Variants in SERTM2 observed in about 807,000 individuals in gnomAD.
The protein encoded by SERTM2 is serine-rich and transmembrane domain-containing protein 2.
chrX:111,515,454 T>G (rs910278718), intron 2 of SERTM2, among the ~76,000 whole-genome samples: 8 of 111,211 alleles, frequency 7.2e-5, no homozygotes, highest in African/African-American at 2.6e-4. Flanking sequence ...TCTGAATACA[T>G]AGTGAAGCAA....
rs1239029254 is a variant in SERTM2 at position 111,512,095 on chromosome X, G to A, written c.-784+1G>A. 1.4e-5 allele frequency: 4 copies of A among 293,872 alleles called. No individual in the cohort carries two copies. The highest frequency in any genetic ancestry group is 2.8e-5 in the African/African-American group (1 of 36,300). 24.2% of individuals were successfully genotyped at this position (293,872 alleles called of 1,213,427 possible). A position where few individuals can be genotyped will look rare whatever the true frequency, so the allele number is the denominator to read the frequency against. ...CTATTCATACTGTGGGCCAGGAGAG[G>A]TAAGAAATATTTGGAAATATTACGA... On this transcript the variant is annotated splice_donor_variant, in intron 2 of 2. Transcript: ENST00000569275. LOFTEE classifies it low-confidence loss of function (5UTR_SPLICE).
chrX:111,511,737 A>G lies in SERTM2; in HGVS notation c.-978A>G, dbSNP rs1022475972. On this transcript the variant is annotated 5_prime_UTR_variant, in exon 1 of 3. Transcript: ENST00000569275. ...ACTTAGACTAATTCAGGCTGCTTTC[A>G]TTCAAATGTTCCAGAGGGCACACAC... 5.1e-6 allele frequency: 1 copy of G among 196,997 alleles called. No homozygotes were observed. The highest frequency in any genetic ancestry group is 2.9e-5 in the African/African-American group (1 of 33,903). The allele number at this position is 196,997 out of a possible 1,213,427, so 16.2% of individuals were successfully genotyped here. A position where few individuals can be genotyped will look rare whatever the true frequency, so the allele number is the denominator to read the frequency against.
chrX:111,515,756 T>C lies in SERTM2; in HGVS notation c.-783-2319T>C, dbSNP rs369281253. On this transcript the variant is annotated intron_variant, in intron 2 of 2. Coordinates refer to ENST00000569275, the MANE Select transcript of SERTM2 (RefSeq NM_001354473.2). ...CAAGTGGGTAACTTGTTTCAAACAT[T>C]GATTCCAGGATACTGTCCCCAGAGA... is the stretch of plus-strand genomic sequence containing the variant. 2.7e-5 allele frequency among the ~76,000 whole-genome samples: 3 copies of C among 110,840 alleles called. No individual in the cohort carries two copies. In the East Asian group the frequency reaches 8.6e-4, roughly 32 times the overall value.
At chrX:111,516,928 G>T (rs1930323279) in intron 2 of SERTM2, among the ~76,000 whole-genome samples, 1 of 111,504 alleles carries the variant, frequency 9.0e-6, no homozygotes, top group Non-Finnish European at 1.9e-5. Context: ...AGTGTGACAG[G>T]TGATGGTTGT....
At position 111,517,673 on chromosome X, in the gene SERTM2, A is replaced by ATT. The variant is rs11378226; in HGVS notation, c.-783-392_-783-391dup. Reference sequence around the variant, plus strand: ...ACATGAACTTTGAATATGGGTGGCTATTTTTTTTTTTAATAGCAGTGCTTG... The same window carrying ATT: ...ACATGAACTTTGAATATGGGTGGCTATTTTTTTTTTTTTAATAGCAGTGCTTG... On this transcript the variant is annotated intron_variant, in intron 2 of 2. Transcript: ENST00000569275. Among the ~76,000 whole-genome samples the ATT allele has an allele frequency of 2.2e-3, 233 of 104,060 alleles. 1 individual carries two copies. The highest frequency in any genetic ancestry group is 7.9e-3 in the African/African-American group (224 of 28,500). 90.4% of individuals were successfully genotyped at this position (104,060 alleles called of 115,157 possible).
Position 111,511,796 on chromosome X carries a change from C to G in SERTM2, c.-919C>G, listed in dbSNP as rs992608513. On this transcript the variant is annotated 5_prime_UTR_variant, in exon 1 of 3. Transcript: ENST00000569275. ...ACAGACTTCTCTTTGCTTTTCAGAG[C>G]TTATAAGGAGCAGGCATCTGAAGCT... The G allele has an allele frequency of 7.8e-6, 2 of 255,075 alleles. No homozygotes were observed. The highest frequency in any genetic ancestry group is 5.6e-5 in the African/African-American group (2 of 35,438). The allele number at this position is 255,075 out of a possible 1,213,427, so 21.0% of individuals were successfully genotyped here.
At position 111,518,535 on chromosome X, in the gene SERTM2, T is replaced by C. The variant is rs1256050526; in HGVS notation, c.-323T>C. 1 of 210,696 alleles carries C rather than the reference T, an allele frequency of 4.7e-6. No homozygotes were observed. The highest frequency in any genetic ancestry group is 8.5e-6 in the Non-Finnish European group (1 of 117,027). 17.4% of individuals were successfully genotyped at this position (210,696 alleles called of 1,213,427 possible). On this transcript the variant is annotated 5_prime_UTR_variant, in exon 3 of 3. Transcript: ENST00000569275. ...CTAATAACAGTATTATAAAGCAGTT[T>C]CACCCATATTTATTTTAATCAGTAT... is the stretch of plus-strand genomic sequence containing the variant.
chrX:111,512,267 G>A (rs1280863694), intron 2 of SERTM2, among the ~76,000 whole-genome samples, 173 bp downstream of exon 2: 1 of 112,013 alleles, frequency 8.9e-6, no homozygotes, highest in African/African-American at 3.2e-5. Flanking sequence ...ATTTGCTGCT[G>A]GAATCGTTTT....
rs1051714286 is a variant in SERTM2 at position 111,520,216 on chromosome X, C to T, written c.*1086C>T. On this transcript the variant is annotated 3_prime_UTR_variant, in exon 3 of 3. Transcript: ENST00000569275. ...AAAGATGAAGTGTTTCACTTATTAC[C>T]TATAAGAGAATTATATTTTGAAAAA... is the stretch of plus-strand genomic sequence containing the variant. 3.6e-5 allele frequency: 4 copies of T among 111,785 alleles called. No homozygotes were observed. The highest frequency in any genetic ancestry group is 1.3e-4 in the African/African-American group (4 of 30,783). The allele number at this position is 111,785 out of a possible 1,213,427, so 9.2% of individuals were successfully genotyped here.
Position 111,521,994 on chromosome X carries a change from G to A in SERTM2, c.*2864G>A, listed in dbSNP as rs1242868711. ...ATGAAGTATATTGTAAAAGGCTTAT[G>A]TATTATGTATTATGTATTAAGTAGG... On this transcript the variant is annotated 3_prime_UTR_variant, in exon 3 of 3. Coordinates refer to ENST00000569275, the MANE Select transcript of SERTM2 (RefSeq NM_001354473.2). The A allele has an allele frequency of 9.0e-6, 1 of 111,423 alleles. No homozygotes were observed. Among genetic ancestry groups the A allele is most frequent in the Non-Finnish European group, 1.9e-5 (1 of 53,076 alleles). The allele number at this position is 111,423 out of a possible 1,213,427, so 9.2% of individuals were successfully genotyped here. A position where few individuals can be genotyped will look rare whatever the true frequency, so the allele number is the denominator to read the frequency against.
rs771534867 is a variant in SERTM2 at position 111,511,815 on chromosome X, T to G, written c.-900T>G. ...TCAGAGCTTATAAGGAGCAGGCATC[T>G]GAAGCTGCACTCTGAAGCTGTAAGT... is the stretch of plus-strand genomic sequence containing the variant. On this transcript the variant is annotated 5_prime_UTR_variant, in exon 1 of 3. Transcript: ENST00000569275. 2 of 266,454 alleles carry G rather than the reference T, an allele frequency of 7.5e-6. No homozygotes were observed. The highest frequency in any genetic ancestry group is 1.3e-5 in the Non-Finnish European group (2 of 150,837). 22.0% of individuals were successfully genotyped at this position (266,454 alleles called of 1,213,427 possible).
chrX:111,522,104 C>T lies in SERTM2; in HGVS notation c.*2974C>T, dbSNP rs1930422494. Reference sequence around the variant, plus strand: ...CAAATCTGAAGCTTTGGACTCATAACTGAGTTTGACTGCTGCAGATCCCAC... The same window carrying T: ...CAAATCTGAAGCTTTGGACTCATAATTGAGTTTGACTGCTGCAGATCCCAC... On this transcript the variant is annotated 3_prime_UTR_variant, in exon 3 of 3. Coordinates refer to ENST00000569275, the MANE Select transcript of SERTM2 (RefSeq NM_001354473.2). The T allele has an allele frequency of 9.0e-6, 1 of 111,450 alleles. No homozygotes were observed. The highest frequency in any genetic ancestry group is 3.8e-4 in the South Asian group (1 of 2,650). The allele number at this position is 111,450 out of a possible 1,213,427, so 9.2% of individuals were successfully genotyped here.
intron 2 of SERTM2, among the ~76,000 whole-genome samples, chrX:111,512,830 A>G (rs978423157): frequency 6.3e-5 from 7 of 111,571 alleles, no homozygotes; most frequent in Non-Finnish European, 1.3e-4. Context: ...TTTTGCTCCT[A>G]TGAGGTTATA....
rs2147491973 is a variant in SERTM2 at position 111,520,627 on chromosome X, C to T, written c.*1497C>T. 9.0e-6 allele frequency: 1 copy of T among 111,354 alleles called. No individual in the cohort carries two copies. The highest frequency in any genetic ancestry group is 3.8e-4 in the South Asian group (1 of 2,625). 9.2% of individuals were successfully genotyped at this position (111,354 alleles called of 1,213,427 possible). On this transcript the variant is annotated 3_prime_UTR_variant, in exon 3 of 3. Transcript: ENST00000569275. ...CTAAATCTAGATTGGTAGTGAAATT[C>T]CCAAGTGCTTTCCACTTTTATACAC... is the stretch of plus-strand genomic sequence containing the variant.
At chrX:111,517,577 AT>A (rs1307074332) in intron 2 of SERTM2, among the ~76,000 whole-genome samples, 1 of 111,398 alleles carries the variant, frequency 9.0e-6, no homozygotes, top group African/African-American at 3.3e-5. Flanking sequence ...GGGCAAAAGC[AT>A]TCCACCATGT....
rs1569502853 is a variant in SERTM2, at chrX:111,518,296, G to C, written c.-562G>C. On this transcript the variant is annotated 5_prime_UTR_variant, in exon 3 of 3. Coordinates refer to ENST00000569275, the MANE Select transcript of SERTM2 (RefSeq NM_001354473.2). ...AGGAACCTTACAATCTCCATCCTTA[G>C]GGAAGGTTCAGAAATACAGATAAAC... The C allele has an allele frequency of 9.0e-6, 1 of 111,336 alleles. No homozygotes were observed. The highest frequency in any genetic ancestry group is 1.9e-5 in the Non-Finnish European group (1 of 53,038). The allele number at this position is 111,336 out of a possible 1,213,427, so 9.2% of individuals were successfully genotyped here.
rs772272776 is a variant in SERTM2 at position 111,520,397 on chromosome X, C to T, written c.*1267C>T. ...TTCTTGCCACCAAAGGACGAGTACA[C>T]CTGTGTTAAATTTTACTTGCTAAAA... On this transcript the variant is annotated 3_prime_UTR_variant, in exon 3 of 3. Transcript: ENST00000569275. 1.8e-5 allele frequency: 2 copies of T among 111,542 alleles called. No homozygotes were observed. The highest frequency in any genetic ancestry group is 3.8e-5 in the Non-Finnish European group (2 of 53,090). The allele number at this position is 111,542 out of a possible 1,213,427, so 9.2% of individuals were successfully genotyped here.
At chrX:111,513,733 CA>C (rs1182434907) in intron 2 of SERTM2, among the ~76,000 whole-genome samples, 1 of 111,485 alleles carries the variant, frequency 9.0e-6, no homozygotes, top group African/African-American at 3.3e-5. Context: ...CTAAATTGAC[CA>C]GACTGTTTGG....
chrX:111,516,436 T>A (rs1393745727), intron 2 of SERTM2, among the ~76,000 whole-genome samples: 2 of 109,994 alleles, frequency 1.8e-5, no homozygotes, highest in African/African-American at 6.6e-5. Context: ...ATTCTTTAGC[T>A]GGGCTATCTA....
Sources: gnomAD v4.1 joint callset for allele counts (sites outside exome capture counted in the v4.1 genomes callset) on GRCh38, gnomAD v4.1.1 for gene constraint, MANE v1.5 for transcripts, NCBI Gene and HGNC (gene_info 2026-07-23, HGNC 2026-07-21) for gene names.